ABCA13: variants seen among roughly 807,000 people sequenced by gnomAD.
ABCA13 encodes the protein ATP binding cassette subfamily A member 13, also known as ATP-binding cassette sub-family A member 13.
A neutral mutation model predicts 478.7 loss-of-function variants in ABCA13; 476 were observed. The ratio of observed to expected loss-of-function variants is 0.99; its 90% CI spans 0.92 to 1.07. The LOEUF (loss-of-function observed/expected upper bound fraction) is 1.07, where lower values mean the gene tolerates loss of function less well. Among genes scored for constraint, ABCA13 ranks in the 50% least tolerant of loss-of-function variants. The pLI is 0.00. For synonymous variants in ABCA13, 2,252 were observed against 2,158.9 expected (o/e 1.04, Z -1.20); for missense variants, 6,060 against 5,910.6 (o/e 1.03, Z -0.83).
chr7:48,344,548 T>G (rs1421944216), intron 29 of ABCA13, among the ~76,000 whole-genome samples: 2 of 152,242 alleles, frequency 1.3e-5, no homozygotes, highest in South Asian at 2.1e-4. Context: ...TGTTGTTTTA[T>G]GTCCACCTAT....
chr7:48,381,643 T>C (rs990944928), intron 35 of ABCA13, among the ~76,000 whole-genome samples: 2 of 152,206 alleles, frequency 1.3e-5, no homozygotes, highest in African/African-American at 4.8e-5. Flanking sequence ...AAACTCTTTT[T>C]ATATGCTTCC....
intron 55 of ABCA13, among the ~76,000 whole-genome samples, chr7:48,577,364 A>G (rs984519040): frequency 6.6e-6 from 1 of 152,168 alleles, no homozygotes; most frequent in Non-Finnish European, 1.5e-5. Flanking sequence ...CATGAAAAAA[A>G]GAAAATACAA....
chr7:48,211,949 A>C (rs1374363563), intron 3 of ABCA13, among the ~76,000 whole-genome samples: 1 of 151,834 alleles, frequency 6.6e-6, no homozygotes, highest in Non-Finnish European at 1.5e-5. Flanking sequence ...TCTAATGGCT[A>C]CTACATCTGG....
At chr7:48,355,620 G>A (rs1809772316) in intron 31 of ABCA13, among the ~76,000 whole-genome samples, 1 of 152,010 alleles carries the variant, frequency 6.6e-6, no homozygotes, top group Non-Finnish European at 1.5e-5. Context: ...AATAACCCAG[G>A]TGAGAGATGA....
chr7:48,379,721 G>A (rs1814055806), intron 35 of ABCA13, among the ~76,000 whole-genome samples: 2 of 152,178 alleles, frequency 1.3e-5, no homozygotes, highest in South Asian at 4.1e-4. Context: ...TTATTGGTAT[G>A]TGATTATAAA....
rs1475333216 is a variant in ABCA13 at position 48,387,934 on chromosome 7, C to T, written c.11448C>T (p.Phe3816=). ...RQYFLSSSLF[F]FNENFDNKGS... ...ACTTTCTAAGTTCTAGTCTGTTCTT[C>T]TTCAATGAGAACTTTGACAATAAAG... is the stretch of plus-strand genomic sequence containing the variant. Residue 3816 remains phenylalanine, a synonymous_variant, in exon 36 of 62, where the codon TTC becomes TTT. Transcript: ENST00000435803. 5.6e-6 allele frequency: 9 copies of T among 1,610,964 alleles called. No homozygotes were observed. Among genetic ancestry groups the T allele is most frequent in the Non-Finnish European group, 7.6e-6 (9 of 1,178,718 alleles).
chr7:48,457,940 T>C (rs927141643), intron 43 of ABCA13, among the ~76,000 whole-genome samples: 5 of 152,240 alleles, frequency 3.3e-5, no homozygotes, highest in South Asian at 2.1e-4. Context: ...TTATCTCTAA[T>C]GTTTGCAGTG....
chr7:48,528,173 A>G, intron 54 of ABCA13, 63 bp from the exon 55 acceptor site: 1 of 1,354,494 alleles, frequency 7.4e-7, no homozygotes, highest in Non-Finnish European at 1.0e-6. Flanking sequence ...ATTTTATTTA[A>G]CTTGTTCTAT....
chr7:48,494,427 A>G (rs1350685618), intron 48 of ABCA13, among the ~76,000 whole-genome samples: 2 of 152,124 alleles, frequency 1.3e-5, no homozygotes, highest in Non-Finnish European at 2.9e-5. Flanking sequence ...AGCTTTGGGT[A>G]TATTTGAGAT....
At chr7:48,641,633 A>T (rs915895490) in intron 59 of ABCA13, among the ~76,000 whole-genome samples, 1 of 152,194 alleles carries the variant, frequency 6.6e-6, no homozygotes, top group Non-Finnish European at 1.5e-5. Context: ...TTGTCATGCC[A>T]TCAGAATCAT....
intron 24 of ABCA13, among the ~76,000 whole-genome samples, chr7:48,312,384 G>A (rs1801907250): frequency 6.6e-6 from 1 of 151,970 alleles, no homozygotes; most frequent in South Asian, 2.1e-4. Context: ...TTTATGCCCA[G>A]TAGCTACATG....
At chr7:48,516,632 A>T in intron 51 of ABCA13, 93 bp from the exon 52 acceptor site, 3 of 1,275,404 alleles carry the variant, frequency 2.4e-6, no homozygotes, top group Non-Finnish European at 2.2e-6. Context: ...ATTTTCAGGG[A>T]TTCACCCCAA....
chr7:48,314,505 T>C, intron 26 of ABCA13, 96 bp downstream of exon 26: 1 of 1,161,536 alleles, frequency 8.6e-7, no homozygotes, highest in Non-Finnish European at 1.2e-6. Flanking sequence ...GTGTATAAGG[T>C]TGCTATATAC....
chr7:48,328,536 T>A (rs1162896168), intron 27 of ABCA13, among the ~76,000 whole-genome samples: 2 of 152,180 alleles, frequency 1.3e-5, no homozygotes, highest in Non-Finnish European at 2.9e-5. Flanking sequence ...GTGAATGTAC[T>A]TTTTCTGTGA....
In ABCA13 at chr7:48,520,094, A is replaced by G. The variant is rs2130971950; in HGVS notation, c.13851A>G (p.Gln4617=). 6.8e-6 allele frequency: 11 copies of G among 1,613,562 alleles called. No individual in the cohort carries two copies. Among genetic ancestry groups the G allele is most frequent in the Non-Finnish European group, 9.3e-6 (11 of 1,179,680 alleles). ...AGTGGGTCTTTACTATTTTTCCTCA[A>G]TTCTGTCTTGGTCAAGGACTGGTAG... ...VLKWVFTIFP[Q]FCLGQGLVEL... The change falls in exon 53 of 62, where the codon CAA becomes CAG. Residue 4617 remains glutamine (Q), a synonymous_variant. Transcript: ENST00000435803.
At position 48,279,377 on chromosome 7, in the gene ABCA13, G is replaced by A. The variant is rs746480907; in HGVS notation, c.8183G>A (p.Ser2728Asn). 1 of 1,594,758 alleles carries A rather than the reference G, an allele frequency of 6.3e-7. No individual in the cohort carries two copies. Among genetic ancestry groups the A allele is most frequent in the Non-Finnish European group, 8.6e-7 (1 of 1,168,838 alleles). Residue 2728 changes from serine (S) to asparagine (N), a missense_variant, in exon 18 of 62, where the codon AGC (serine) becomes AAC (asparagine). Ser to Asn is a conservative substitution (Grantham distance 46). This residue lies in a region of ABCA13 where 4,423 missense variants were observed against 4,309.1 expected (regional missense o/e 1.03). Coordinates refer to ENST00000435803, the MANE Select transcript of ABCA13 (RefSeq NM_152701.5). The stretch of plus-strand genomic sequence containing the variant: ...TTGGATAAAATATTATCACAAAACA[G>A]CACAGAAATAGGATCTTTCTTGAAA... ...PFLDKILSQN[S>N]TEIGSFLKMV...
intron 11 of ABCA13, among the ~76,000 whole-genome samples, chr7:48,245,148 CCTT>C (rs758363629): frequency 6.6e-6 from 1 of 152,114 alleles, no homozygotes; most frequent in Non-Finnish European, 1.5e-5. Flanking sequence ...TGCAGAATGC[CCTT>C]CTTTGAACTT....
chr7:48,372,571 A>T (rs1197066723), intron 33 of ABCA13, 74 bp downstream of exon 33: 2 of 1,209,548 alleles, frequency 1.7e-6, no homozygotes, highest in Non-Finnish European at 2.3e-6. Context: ...ACAAAATCCC[A>T]CCACTCTCAC....
At position 48,394,246 on chromosome 7, in the gene ABCA13, C is replaced by T. The variant is rs201148875; in HGVS notation, c.11873+2107C>T. On this transcript the variant is annotated intron_variant, in intron 38 of 61. Transcript: ENST00000435803. The stretch of plus-strand genomic sequence containing the variant: ...TGAGTGCCCCCTTCCACCTCAAAAC[C>T]CTCCTCCTTTGGAATATAAATTTAT... Among the ~76,000 whole-genome samples, 9 of 152,194 alleles carry T rather than the reference C, an allele frequency of 5.9e-5. No homozygotes were observed. In the East Asian group the frequency reaches 1.7e-3, roughly 29 times the overall value.
Sources: allele counts gnomAD v4.1 joint callset (sites outside exome capture counted in the v4.1 genomes callset), GRCh38; gene constraint gnomAD v4.1.1; regional missense constraint gnomAD v4.1.1; transcripts MANE v1.5; gene names NCBI Gene and HGNC (gene_info 2026-07-23, HGNC 2026-07-21).